The following SUCLG2 variants were observed in gnomAD, a reference collection of about 807,000 sequenced individuals.
SUCLG2 encodes the protein succinate--CoA ligase [GDP-forming] subunit beta, mitochondrial.
Under a neutral mutation model 47.9 loss-of-function variants are expected in SUCLG2, and 42 were observed. The ratio of observed to expected loss-of-function variants is 0.88; its 90% CI spans 0.69 to 1.14. The LOEUF (loss-of-function observed/expected upper bound fraction) is 1.14, where lower values mean the gene tolerates loss of function less well. SUCLG2 is among the 50% of genes most tolerant of loss of function. The probability of loss-of-function intolerance (pLI) is 0.00; values close to 1 mark genes in which losing one functional copy is unlikely to be tolerated. For synonymous variants in SUCLG2, 195 were observed against 197.3 expected, an observed-to-expected ratio of 0.99 and a Z score of 0.10; for missense variants, 571 against 525.9, an observed-to-expected ratio of 1.09 and a Z score of -0.84.
intron 2 of SUCLG2, among the ~76,000 whole-genome samples, chr3:67,537,952 G>A (rs2107167817): frequency 6.6e-6 from 1 of 152,170 alleles, no homozygotes; most frequent in South Asian, 2.1e-4. Flanking sequence ...TAAGTTCCTT[G>A]CAGATTCTGG....
At chr3:67,435,567 C>T (rs1703598219) in intron 9 of SUCLG2, among the ~76,000 whole-genome samples, 1 of 152,170 alleles carries the variant, frequency 6.6e-6, no homozygotes, top group African/African-American at 2.4e-5. Context: ...GGAGAATGTA[C>T]ATGCATCATC....
chr3:67,507,727 A>T (rs1485202774), intron 7 of SUCLG2, among the ~76,000 whole-genome samples: 2 of 152,228 alleles, frequency 1.3e-5, no homozygotes, highest in African/African-American at 4.8e-5. Context: ...TCTTGGTCCA[A>T]AAGTTGATGT....
intron 9 of SUCLG2, among the ~76,000 whole-genome samples, chr3:67,464,063 A>G (rs1319269741): frequency 6.6e-6 from 1 of 152,240 alleles, no homozygotes; most frequent in East Asian, 1.9e-4. Context: ...TGTGTTCCCG[A>G]ACATTTAACC....
chr3:67,642,448 TA>T (rs767632599), intron 1 of SUCLG2, among the ~76,000 whole-genome samples: 48 of 145,908 alleles, frequency 3.3e-4, no homozygotes, highest in East Asian at 4.0e-4. Flanking sequence ...CTACAAAATT[TA>T]AAAAAAAAAA....
intron 2 of SUCLG2, among the ~76,000 whole-genome samples, chr3:67,601,870 T>C (rs1452001759): frequency 2.0e-5 from 3 of 151,950 alleles, no homozygotes; most frequent in Non-Finnish European, 4.4e-5. Context: ...TAATCCCAGA[T>C]ACTCAGGAGG....
At chr3:67,581,040 A>G (rs540607590) in intron 2 of SUCLG2, among the ~76,000 whole-genome samples, 37 of 152,302 alleles carry the variant, frequency 2.4e-4, no homozygotes, top group African/African-American at 8.7e-4. Flanking sequence ...GGTACCTTGT[A>G]AGGTAAATGG....
At chr3:67,571,560 T>C (rs957399553) in intron 2 of SUCLG2, among the ~76,000 whole-genome samples, 1 of 152,114 alleles carries the variant, frequency 6.6e-6, no homozygotes, top group African/African-American at 2.4e-5. Context: ...CATTTGTAAA[T>C]GAAACTAAAA....
chr3:67,467,270 T>A lies in SUCLG2; in HGVS notation c.1062+28528A>T, dbSNP rs190534808. ...TATACTAGCTACAATCTCTCATACATCAAAACAGCAGCTCTAGTATATTTT... is the reference window on the plus strand; with the variant it reads ...TATACTAGCTACAATCTCTCATACAACAAAACAGCAGCTCTAGTATATTTT... On this transcript the variant is annotated intron_variant, in intron 9 of 10. Transcript: ENST00000307227. Among the ~76,000 whole-genome samples, 64 of 152,308 alleles carry A rather than the reference T, an allele frequency of 4.2e-4. No individual in the cohort carries two copies. In the East Asian group the frequency reaches 8.5e-3, roughly 20 times the overall value.
intron 9 of SUCLG2, among the ~76,000 whole-genome samples, chr3:67,435,284 T>C (rs1033460933): frequency 6.6e-6 from 1 of 152,114 alleles, no homozygotes; most frequent in Admixed American, 6.6e-5. Flanking sequence ...GAACAAAACA[T>C]AGGAAGAATA....
chr3:67,374,981 A>G lies in SUCLG2; in HGVS notation c.*763T>C. ...TGTTGTCTCATCTTGAAATATCTTA[A>G]TAACAGAGATTTCCATAAGAATCAG... On this transcript the variant is annotated 3_prime_UTR_variant, in exon 11 of 11. Coordinates refer to ENST00000307227, the MANE Select transcript of SUCLG2 (RefSeq NM_003848.4). 6.1e-6 allele frequency: 6 copies of G among 985,814 alleles called. No individual in the cohort carries two copies. Among genetic ancestry groups the G allele is most frequent in the Non-Finnish European group, 7.2e-6 (6 of 829,916 alleles). 61.1% of individuals were successfully genotyped at this position (985,814 alleles called of 1,614,324 possible).
intron 9 of SUCLG2, among the ~76,000 whole-genome samples, chr3:67,421,926 A>G (rs1160866611): frequency 6.6e-6 from 1 of 152,220 alleles, no homozygotes; most frequent in East Asian, 1.9e-4. Context: ...GAGGAGCAGG[A>G]TATTTTGATG....
At chr3:67,520,252 G>C (rs1483793818) in intron 5 of SUCLG2, among the ~76,000 whole-genome samples, 1 of 152,196 alleles carries the variant, frequency 6.6e-6, no homozygotes, top group Non-Finnish European at 1.5e-5. Context: ...GCAGGAAGAA[G>C]TAAAGAAGGA....
chr3:67,587,827 G>C (rs1226622085), intron 2 of SUCLG2, among the ~76,000 whole-genome samples: 1 of 151,770 alleles, frequency 6.6e-6, no homozygotes, highest in African/African-American at 2.4e-5. Flanking sequence ...AACACATAAG[G>C]AAAAAGGAAA....
rs1460975060 is a variant in SUCLG2 at position 67,638,306 on chromosome 3, T to C, written c.84+16197A>G. Among the ~76,000 whole-genome samples the C allele has an allele frequency of 2.0e-5, 3 of 152,176 alleles. No individual in the cohort carries two copies. In the East Asian group the frequency reaches 5.8e-4, roughly 29 times the overall value. On this transcript the variant is annotated intron_variant, in intron 1 of 10. Transcript: ENST00000307227. ...TGCCATTGGAATGCCTAGCACTTAG[T>C]GGCCCTCTCTGGACTGGTCTCTCCA...
At chr3:67,614,798 G>A (rs9824641) in intron 1 of SUCLG2, among the ~76,000 whole-genome samples, 17,334 of 152,176 alleles carry the variant, frequency 0.11, 2,146 homozygotes, top group African/African-American at 0.31. Flanking sequence ...CTGGAGGCCT[G>A]ATGAGGGAAA....
chr3:67,564,702 C>T (rs1707405514), intron 2 of SUCLG2, among the ~76,000 whole-genome samples: 1 of 152,072 alleles, frequency 6.6e-6, no homozygotes, highest in South Asian at 2.1e-4. Flanking sequence ...GATTTTTTTG[C>T]ACTTTTTTCT....
intron 2 of SUCLG2, among the ~76,000 whole-genome samples, chr3:67,550,451 C>T (rs1158110056): frequency 6.6e-6 from 1 of 152,172 alleles, no homozygotes; most frequent in Non-Finnish European, 1.5e-5. Context: ...GTGATCCTCC[C>T]TCAGCCTCCC....
At chr3:67,451,899 C>T (rs929477507) in intron 9 of SUCLG2, among the ~76,000 whole-genome samples, 4 of 152,054 alleles carry the variant, frequency 2.6e-5, no homozygotes, top group Non-Finnish European at 5.9e-5. Flanking sequence ...AGCCCAACCC[C>T]GTCAATGAAA....
intron 2 of SUCLG2, among the ~76,000 whole-genome samples, chr3:67,549,695 C>T (rs535303410): frequency 4.4e-4 from 67 of 152,052 alleles, no homozygotes; most frequent in Non-Finnish European, 7.4e-4. Flanking sequence ...AGTAACAGTA[C>T]ATTGTTATGA....
Sources: gnomAD v4.1 joint callset for allele counts (sites outside exome capture counted in the v4.1 genomes callset) on GRCh38, gnomAD v4.1.1 for gene constraint, MANE v1.5 for transcripts, NCBI Gene and HGNC (gene_info 2026-07-23, HGNC 2026-07-21) for gene names.